CTNNBL1: variants seen among roughly 807,000 people sequenced by gnomAD.
The protein encoded by CTNNBL1 is catenin beta like 1.
In CTNNBL1, 31 loss-of-function variants were observed where a neutral mutation model predicts 72.7. The observed-to-expected ratio is 0.43, with a 90% CI of 0.32 to 0.58. CTNNBL1 has a LOEUF of 0.58. CTNNBL1 is among the 20% of genes least tolerant of loss of function. The pLI is 0.08. For synonymous variants in CTNNBL1, 240 were observed against 267.3 expected (o/e 0.90, Z 1.00); for missense variants, 534 against 725.1 (o/e 0.74, Z 3.03).
intron 13 of CTNNBL1, among the ~76,000 whole-genome samples, chr20:37,853,257 C>T (rs1043996424): frequency 1.3e-5 from 2 of 152,146 alleles, no homozygotes; most frequent in Non-Finnish European, 2.9e-5. Flanking sequence ...TTCAGTTTTT[C>T]CCTACCACTA....
chr20:37,829,460 T>C (rs537129026), intron 11 of CTNNBL1, among the ~76,000 whole-genome samples: 21 of 152,146 alleles, frequency 1.4e-4, no homozygotes, highest in South Asian at 2.1e-4. Context: ...GCTGGGCCAG[T>C]AGGTAAATGC....
chr20:37,826,533 A>G (rs1053749799), intron 11 of CTNNBL1, among the ~76,000 whole-genome samples: 2 of 152,254 alleles, frequency 1.3e-5, no homozygotes, highest in Non-Finnish European at 2.9e-5. Flanking sequence ...AACAACAGAC[A>G]TAAAAACTGC....
At chr20:37,816,967 A>G (rs1025644687) in intron 11 of CTNNBL1, among the ~76,000 whole-genome samples, 2 of 152,200 alleles carry the variant, frequency 1.3e-5, no homozygotes, top group Admixed American at 6.5e-5. Context: ...GATATTGATG[A>G]TGGCGATAGT....
chr20:37,866,666 T>A (rs561785775), intron 15 of CTNNBL1, among the ~76,000 whole-genome samples: 2 of 152,340 alleles, frequency 1.3e-5, no homozygotes, highest in South Asian at 4.1e-4. Flanking sequence ...CATGTAACTC[T>A]GGGCAAGTTA....
At chr20:37,846,549 C>T (rs2072348760) in intron 13 of CTNNBL1, among the ~76,000 whole-genome samples, 1 of 152,122 alleles carries the variant, frequency 6.6e-6, no homozygotes, top group Non-Finnish European at 1.5e-5. Context: ...GCTGCTTGCA[C>T]AGGGCCTGGC....
At chr20:37,867,731 A>G (rs551046186) in intron 15 of CTNNBL1, among the ~76,000 whole-genome samples, 12 of 152,204 alleles carry the variant, frequency 7.9e-5, no homozygotes, top group South Asian at 4.2e-4. Context: ...ACACACATGC[A>G]GCAGAGAGAA....
At chr20:37,833,698 T>A (rs984988590) in intron 11 of CTNNBL1, among the ~76,000 whole-genome samples, 1 of 152,170 alleles carries the variant, frequency 6.6e-6, no homozygotes, top group African/African-American at 2.4e-5. Flanking sequence ...ATAACCATCC[T>A]TCACCTCCAT....
chr20:37,835,822 A>G (rs938212160), intron 11 of CTNNBL1, among the ~76,000 whole-genome samples: 1 of 152,206 alleles, frequency 6.6e-6, no homozygotes, highest in Non-Finnish European at 1.5e-5. Flanking sequence ...CTAGATAGCC[A>G]TTTTTAAAAA....
intron 11 of CTNNBL1, among the ~76,000 whole-genome samples, chr20:37,828,496 G>T (rs2072180179): frequency 6.6e-6 from 1 of 152,152 alleles, no homozygotes; most frequent in Non-Finnish European, 1.5e-5. Flanking sequence ...TGAGACCCTG[G>T]AAGGCAAATT....
intron 11 of CTNNBL1, among the ~76,000 whole-genome samples, chr20:37,823,315 A>G (rs2072127322): frequency 6.6e-6 from 1 of 152,232 alleles, no homozygotes; most frequent in African/African-American, 2.4e-5. Flanking sequence ...CCTGTCCTCT[A>G]ACTGCCGCCT....
At chr20:37,819,048 C>T (rs2072083670) in intron 11 of CTNNBL1, among the ~76,000 whole-genome samples, 1 of 152,182 alleles carries the variant, frequency 6.6e-6, no homozygotes, top group African/African-American at 2.4e-5. Flanking sequence ...ATTTCCAATA[C>T]TGCAGGTATA....
At chr20:37,712,444 G>T (rs1196818061) in intron 1 of CTNNBL1, among the ~76,000 whole-genome samples, 3 of 152,170 alleles carry the variant, frequency 2.0e-5, no homozygotes, top group Non-Finnish European at 4.4e-5. Context: ...ATCTGCTATG[G>T]CCATTCTCTC....
chr20:37,773,552 CTA>C (rs533499647), intron 7 of CTNNBL1, among the ~76,000 whole-genome samples: 49 of 152,334 alleles, frequency 3.2e-4, no homozygotes, highest in Middle Eastern at 3.4e-3. Flanking sequence ...ATCCAAGAGA[CTA>C]TACCTGCTAA....
chr20:37,728,241 G>T (rs144627774), intron 1 of CTNNBL1, among the ~76,000 whole-genome samples: 1 of 152,076 alleles, frequency 6.6e-6, no homozygotes, highest in East Asian at 1.9e-4. Flanking sequence ...CAAGGACCTA[G>T]TGTGAAAAAA....
intron 1 of CTNNBL1, among the ~76,000 whole-genome samples, chr20:37,697,664 A>G (rs1380343151): frequency 6.6e-6 from 1 of 152,212 alleles, no homozygotes; most frequent in Non-Finnish European, 1.5e-5. Context: ...TTAGTCTGAT[A>G]AAGGGACTCA....
chr20:37,871,958 C>T lies in CTNNBL1; in HGVS notation c.1637C>T (p.Pro546Leu), dbSNP rs558966247. 6.2e-6 allele frequency: 10 copies of T among 1,614,010 alleles called. No homozygotes were observed. Among genetic ancestry groups the T allele is most frequent in the South Asian group, 4.4e-5 (4 of 91,070 alleles). ...YAENIGDGRSPEFRENEQKRI... is the reference protein window; with the variant it reads ...YAENIGDGRSLEFRENEQKRI... ...GAGAACATCGGGGACGGCCGGAGCC[C>T]GGAGTTCCGGGAGAACGAGCAAAAG... Residue 546 changes from proline (P) to leucine (L), a missense_variant, in exon 16 of 16, where the codon CCG becomes CTG. Physicochemically the swap from Pro to Leu is moderately conservative, Grantham distance 98. Coordinates refer to ENST00000361383, the MANE Select transcript of CTNNBL1 (RefSeq NM_030877.5).
intron 13 of CTNNBL1, among the ~76,000 whole-genome samples, chr20:37,851,064 A>G (rs1429152349): frequency 6.6e-6 from 1 of 152,198 alleles, no homozygotes; most frequent in Non-Finnish European, 1.5e-5. Context: ...ATTTAAAATG[A>G]GTAAGTGGCT....
chr20:37,770,706 A>G (rs1321162281), intron 7 of CTNNBL1, among the ~76,000 whole-genome samples: 1 of 152,180 alleles, frequency 6.6e-6, no homozygotes, highest in Non-Finnish European at 1.5e-5. Context: ...CATTGATGTA[A>G]TCCTCGGGGC....
At chr20:37,704,907 G>A (rs1421111954) in intron 1 of CTNNBL1, among the ~76,000 whole-genome samples, 2 of 152,192 alleles carry the variant, frequency 1.3e-5, no homozygotes, top group African/African-American at 4.8e-5. Context: ...TGCTAATTTT[G>A]AAGGTGAATT....
Sources: gnomAD v4.1 joint callset for allele counts (sites outside exome capture counted in the v4.1 genomes callset) on GRCh38, gnomAD v4.1.1 for gene constraint, MANE v1.5 for transcripts, NCBI Gene and HGNC (gene_info 2026-07-23, HGNC 2026-07-21) for gene names.